CDH4: variants seen among roughly 807,000 people sequenced by gnomAD.
CDH4 encodes cadherin 4, also known as cadherin-4.
CDH4 carries 33 observed loss-of-function variants against 86.0 expected under a neutral mutation model. That is an observed-to-expected ratio of 0.38 (90% CI 0.29 to 0.51). CDH4 has a LOEUF of 0.51. CDH4 is among the 20% of genes least tolerant of loss of function. The pLI is 0.86. For missense variants in CDH4, 1,114 were observed against 1,307.4 expected, an observed-to-expected ratio of 0.85 and a Z score of 2.28; for synonymous variants, 555 against 549.4, an observed-to-expected ratio of 1.01 and a Z score of -0.14.
intron 2 of CDH4, among the ~76,000 whole-genome samples, chr20:61,523,327 G>A (rs1230126869): frequency 6.6e-6 from 1 of 152,226 alleles, no homozygotes; most frequent in Non-Finnish European, 1.5e-5. Flanking sequence ...GTCTCTGCTC[G>A]CCGGTCTCTG....
chr20:61,334,221 A>G (rs965497751), intron 2 of CDH4, among the ~76,000 whole-genome samples: 3 of 152,226 alleles, frequency 2.0e-5, no homozygotes, highest in Non-Finnish European at 2.9e-5. Flanking sequence ...CTCTGTCATT[A>G]TAAAACCTCA....
intron 2 of CDH4, among the ~76,000 whole-genome samples, chr20:61,454,353 G>A (rs1227855430): frequency 6.6e-6 from 1 of 152,208 alleles, no homozygotes; most frequent in African/African-American, 2.4e-5. Flanking sequence ...GGAAGGTTGT[G>A]ATGGGAGGGG....
chr20:61,386,327 GA>G, intron 2 of CDH4, among the ~76,000 whole-genome samples: 1 of 152,114 alleles, frequency 6.6e-6, no homozygotes, highest in Non-Finnish European at 1.5e-5. Flanking sequence ...TGCCCAGGAT[GA>G]CACCCACCCA....
At chr20:61,410,603 A>G (rs1213509935) in intron 2 of CDH4, among the ~76,000 whole-genome samples, 2 of 146,574 alleles carry the variant, frequency 1.4e-5, no homozygotes, top group South Asian at 2.1e-4. Context: ...ATCCATCTAC[A>G]CATCCCTCCA....
chr20:61,849,367 C>G (rs867514189), intron 5 of CDH4, among the ~76,000 whole-genome samples: 1 of 152,246 alleles, frequency 6.6e-6, no homozygotes, highest in African/African-American at 2.4e-5. Context: ...GTTCTCTGCA[C>G]TGTGTAACGA....
At chr20:61,566,841 G>A (rs556521510) in intron 2 of CDH4, among the ~76,000 whole-genome samples, 4 of 152,194 alleles carry the variant, frequency 2.6e-5, no homozygotes, top group Admixed American at 1.3e-4. Context: ...CGCCTCCTCG[G>A]GGAGTTCTGG....
At chr20:61,391,154 T>C (rs530229125) in intron 2 of CDH4, among the ~76,000 whole-genome samples, 52 of 152,200 alleles carry the variant, frequency 3.4e-4, no homozygotes, top group African/African-American at 1.2e-3. Flanking sequence ...CTTGGACATT[T>C]GTTCTAGAAA....
intron 2 of CDH4, among the ~76,000 whole-genome samples, chr20:61,439,916 C>A (rs1306082221): frequency 6.6e-6 from 1 of 152,224 alleles, no homozygotes; most frequent in Admixed American, 6.5e-5. Context: ...CAGACCACTC[C>A]TAAATTGAAT....
intron 2 of CDH4, among the ~76,000 whole-genome samples, chr20:61,466,743 C>T (rs2085473863): frequency 6.6e-6 from 1 of 152,068 alleles, no homozygotes; most frequent in South Asian, 2.1e-4. Context: ...TCCAGCTAAT[C>T]AGGACGCTGA....
chr20:61,531,582 G>T (rs2085954368), intron 2 of CDH4, among the ~76,000 whole-genome samples: 1 of 152,134 alleles, frequency 6.6e-6, no homozygotes, highest in Admixed American at 6.5e-5. Context: ...ACATGAGGAT[G>T]TGTGTTGTAA....
At position 61,908,016 on chromosome 20, in the gene CDH4, C is replaced by T. The variant is rs554277171; in HGVS notation, c.1189-2406C>T. On this transcript the variant is annotated intron_variant, in intron 8 of 15. Coordinates refer to ENST00000614565, the MANE Select transcript of CDH4 (RefSeq NM_001794.5). ...AATGCTTGGACCTAAACGTGACAGGCAGGGCCCTTCCTACCAGACCCAGAG... is the reference window on the plus strand; with the variant it reads ...AATGCTTGGACCTAAACGTGACAGGTAGGGCCCTTCCTACCAGACCCAGAG... 2.0e-5 allele frequency among the ~76,000 whole-genome samples: 3 copies of T among 152,332 alleles called. No individual in the cohort carries two copies. In the East Asian group the frequency reaches 5.8e-4, roughly 29 times the overall value.
At chr20:61,255,193 A>G (rs367565008) in intron 2 of CDH4, among the ~76,000 whole-genome samples, 1 of 152,248 alleles carries the variant, frequency 6.6e-6, no homozygotes, top group Non-Finnish European at 1.5e-5. Flanking sequence ...AACATCACCC[A>G]AATAGTGTGC....
intron 6 of CDH4, among the ~76,000 whole-genome samples, chr20:61,860,638 G>A (rs1568854410): frequency 6.6e-6 from 1 of 152,168 alleles, no homozygotes; most frequent in Non-Finnish European, 1.5e-5. Flanking sequence ...AGGTTGCTGG[G>A]TTCTGTGCAG....
At chr20:61,853,683 T>C (rs1051186513) in intron 6 of CDH4, among the ~76,000 whole-genome samples, 5 of 152,150 alleles carry the variant, frequency 3.3e-5, no homozygotes, top group African/African-American at 9.7e-5. Context: ...GGTTAGAACC[T>C]GGGTGTCCAC....
intron 2 of CDH4, among the ~76,000 whole-genome samples, chr20:61,697,739 A>C (rs571142789): frequency 6.6e-6 from 1 of 152,280 alleles, no homozygotes; most frequent in East Asian, 1.9e-4. Flanking sequence ...ATCTCCCCGG[A>C]GGGACGTCTC....
At chr20:61,492,168 G>A (rs1056024039) in intron 2 of CDH4, among the ~76,000 whole-genome samples, 1 of 151,296 alleles carries the variant, frequency 6.6e-6, no homozygotes, top group Non-Finnish European at 1.5e-5. Flanking sequence ...TGTTGGTGTC[G>A]ATATTGTTGA....
chr20:61,609,376 A>G (rs1393447457), intron 2 of CDH4, among the ~76,000 whole-genome samples: 1 of 152,186 alleles, frequency 6.6e-6, no homozygotes, highest in Non-Finnish European at 1.5e-5. Context: ...TGCGACAAGC[A>G]CTGGCCTCGT....
chr20:61,699,236 G>A (rs927076147), intron 2 of CDH4, among the ~76,000 whole-genome samples: 1 of 152,240 alleles, frequency 6.6e-6, no homozygotes, highest in African/African-American at 2.4e-5. Flanking sequence ...AGGTCACGGT[G>A]GCTGTAAATG....
intron 6 of CDH4, among the ~76,000 whole-genome samples, chr20:61,869,903 C>G (rs1983723213): frequency 6.6e-6 from 1 of 152,232 alleles, no homozygotes; most frequent in South Asian, 2.1e-4. Context: ...GAGCTGGGCC[C>G]CAGTGGGCAG....
Sources: allele counts gnomAD v4.1 joint callset (sites outside exome capture counted in the v4.1 genomes callset), GRCh38; gene constraint gnomAD v4.1.1; transcripts MANE v1.5; gene names NCBI Gene and HGNC (gene_info 2026-07-23, HGNC 2026-07-21).